KPNA5: variants seen among roughly 807,000 people sequenced by gnomAD.
KPNA5 encodes the protein karyopherin subunit alpha 5.
In KPNA5, 46 loss-of-function variants were observed where a neutral mutation model predicts 71.3. That is an observed-to-expected ratio of 0.65 (90% CI 0.51 to 0.83). The LOEUF (loss-of-function observed/expected upper bound fraction) is 0.83, where lower values mean the gene tolerates loss of function less well. Ranked by LOEUF, KPNA5 falls within the 40% of genes least tolerant of loss-of-function variation. KPNA5 has a pLI of 0.00. For missense variants in KPNA5, 547 were observed against 628.3 expected, an observed-to-expected ratio of 0.87 and a Z score of 1.38; for synonymous variants, 207 against 201.4, an observed-to-expected ratio of 1.03 and a Z score of -0.24.
intron 7 of KPNA5, among the ~76,000 whole-genome samples, chr6:116,705,414 A>G (rs1401810270): frequency 6.6e-6 from 1 of 152,226 alleles, no homozygotes; most frequent in Non-Finnish European, 1.5e-5. Flanking sequence ...TTCTGCAAAA[A>G]CAAGGATATA....
chr6:116,702,513 G>A (rs1189079144), intron 6 of KPNA5, among the ~76,000 whole-genome samples: 1 of 152,076 alleles, frequency 6.6e-6, no homozygotes, highest in East Asian at 1.9e-4. Flanking sequence ...CAAAATCCCA[G>A]CTCTGCTAAA....
rs1183585841 is a variant in KPNA5 at position 116,726,590 on chromosome 6, T to G, written c.1221T>G (p.Asn407Lys). 6.2e-7 allele frequency: 1 copy of G among 1,612,210 alleles called. No homozygotes were observed. Among genetic ancestry groups the G allele is most frequent in the East Asian group, 2.2e-5 (1 of 44,732 alleles). ...AAGAAGCAGCTTGGGCTATAACTAATGCAACATCAGGAGGTACTCCAGAGC... is the reference window on the plus strand; with the variant it reads ...AAGAAGCAGCTTGGGCTATAACTAAGGCAACATCAGGAGGTACTCCAGAGC... The part of the protein sequence containing the change: ...TRKEAAWAIT[N>K]ATSGGTPEQI... Residue 407 changes from asparagine to lysine, a missense_variant, in exon 12 of 14, where the codon AAT becomes AAG. Transcript: ENST00000368564.
chr6:116,686,507 T>C (rs1777594525), intron 1 of KPNA5, among the ~76,000 whole-genome samples: 1 of 152,202 alleles, frequency 6.6e-6, no homozygotes, highest in Non-Finnish European at 1.5e-5. Flanking sequence ...GGTTGTCTTT[T>C]ACTCTGTTGA....
intron 6 of KPNA5, among the ~76,000 whole-genome samples, chr6:116,703,559 G>A (rs9481663): frequency 0.018 from 2,676 of 152,022 alleles, 68 homozygotes; most frequent in African/African-American, 0.061. Flanking sequence ...CACCGCGCCC[G>A]GCCAAAAGAT....
chr6:116,740,905 T>G lies in KPNA5; in HGVS notation c.*8582T>G, dbSNP rs1201686380. ...ATATACCTAATGCTAAATGACGAGT[T>G]AATGGGTGCAGCACACCAACATGGC... On this transcript the variant is annotated 3_prime_UTR_variant, in exon 14 of 14. Transcript: ENST00000368564. 2 of 151,774 alleles carry G rather than the reference T, an allele frequency of 1.3e-5. No homozygotes were observed. The highest frequency in any genetic ancestry group is 6.6e-5 in the Admixed American group (1 of 15,244). 9.4% of individuals were successfully genotyped at this position (151,774 alleles called of 1,614,324 possible).
intron 12 of KPNA5, among the ~76,000 whole-genome samples, chr6:116,728,123 C>T (rs1306444920): frequency 1.3e-5 from 2 of 151,942 alleles, no homozygotes; most frequent in African/African-American, 2.4e-5. Context: ...TATCTCTTTG[C>T]TTTCATCAGT....
chr6:116,722,257 T>G lies in KPNA5; in HGVS notation c.888T>G (p.Ser296=). 1 of 1,611,676 alleles carries G rather than the reference T, an allele frequency of 6.2e-7. No individual in the cohort carries two copies. Among genetic ancestry groups the G allele is most frequent in the Admixed American group, 1.7e-5 (1 of 59,724 alleles). Residue 296 remains serine, a synonymous_variant, in exon 9 of 14, where the codon TCT becomes TCG. Transcript: ENST00000368564. The part of the protein sequence containing the change: ...PNDKIQAVID[S]GVCRRLVELL... The stretch of plus-strand genomic sequence containing the variant: ...ATAAAATTCAAGCAGTCATTGATTC[T>G]GGAGTCTGTCGAAGATTGGTGGAAC...
Position 116,687,533 on chromosome 6 carries a change from A to G in KPNA5, c.5-1787A>G, listed in dbSNP as rs927661572. Among the ~76,000 whole-genome samples the G allele has an allele frequency of 3.3e-5, 5 of 152,318 alleles. No individual in the cohort carries two copies. In the East Asian group the frequency reaches 9.6e-4, roughly 29 times the overall value. ...ATACGAAAAGAGTGATTTTTACTAA[A>G]TATAAATTTAAAAATAAACCTAAAA... On this transcript the variant is annotated intron_variant, in intron 1 of 13. Coordinates refer to ENST00000368564, the MANE Select transcript of KPNA5 (RefSeq NM_001366306.2).
intron 4 of KPNA5, among the ~76,000 whole-genome samples, chr6:116,693,738 T>G (rs567279253): frequency 6.6e-6 from 1 of 152,076 alleles, no homozygotes; most frequent in South Asian, 2.1e-4. Context: ...CTCTTTAGTT[T>G]AATTAGATCC....
chr6:116,698,846 T>G (rs1778125452), intron 5 of KPNA5, 48 bp downstream of exon 5: 1 of 1,118,088 alleles, frequency 8.9e-7, no homozygotes, highest in East Asian at 2.6e-5. Flanking sequence ...AATGACATGT[T>G]AAAGTTTCTA....
intron 8 of KPNA5, among the ~76,000 whole-genome samples, chr6:116,716,558 A>G (rs1468159145): frequency 6.6e-6 from 1 of 152,240 alleles, no homozygotes; most frequent in Non-Finnish European, 1.5e-5. Flanking sequence ...ACATGTATCA[A>G]GGAATTGATT....
chr6:116,710,891 A>G (rs1189568572), intron 7 of KPNA5, among the ~76,000 whole-genome samples: 23 of 70,076 alleles, frequency 3.3e-4, no homozygotes, highest in East Asian at 2.1e-3. Context: ...ATATATATAT[A>G]TATTTTTTTT....
At chr6:116,698,633 T>C (rs1025302651) in intron 4 of KPNA5, 71 bp from the exon 5 acceptor site, 22 of 832,078 alleles carry the variant, frequency 2.6e-5, no homozygotes, top group Non-Finnish European at 3.9e-5. Flanking sequence ...TGTGCCCTGT[T>C]AATGGACACA....
chr6:116,692,357 C>G lies in KPNA5; in HGVS notation c.305C>G (p.Thr102Arg), dbSNP rs1433649888. The change falls in exon 4 of 14, where the codon ACA (threonine) becomes AGA (arginine). Residue 102 changes from threonine (T) to arginine (R), a missense_variant. Transcript: ENST00000368564. ...TCTAATAATGCTGATCAACAGCTAA[C>G]AGCAACACAGAAATTTAGAAAGCTG... ...IFSNNADQQLTATQKFRKLLS... is the reference protein window; with the variant it reads ...IFSNNADQQLRATQKFRKLLS... The G allele has an allele frequency of 2.5e-6, 4 of 1,604,428 alleles. No individual in the cohort carries two copies. The highest frequency in any genetic ancestry group is 2.7e-5 in the African/African-American group (2 of 74,476).
chr6:116,686,478 A>G (rs1217054374), intron 1 of KPNA5, among the ~76,000 whole-genome samples: 1 of 152,128 alleles, frequency 6.6e-6, no homozygotes, highest in African/African-American at 2.4e-5. Context: ...AGTTTGCAAC[A>G]ATTTTCTCCC....
chr6:116,722,984 G>T (rs80323356), intron 9 of KPNA5, among the ~76,000 whole-genome samples: 2,561 of 152,240 alleles, frequency 0.017, 78 homozygotes, highest in African/African-American at 0.058. Context: ...CCAGCATGAG[G>T]ATAGCATCAG....
At chr6:116,717,885 GC>G (rs138946289) in intron 8 of KPNA5, among the ~76,000 whole-genome samples, 8,103 of 151,234 alleles carry the variant, frequency 0.054, 624 homozygotes, top group African/African-American at 0.17. Flanking sequence ...CCAATAGTGT[GC>G]CCCCCCCACC....
At chr6:116,683,830 C>T (rs1777457831) in intron 1 of KPNA5, among the ~76,000 whole-genome samples, 1 of 150,454 alleles carries the variant, frequency 6.6e-6, no homozygotes, top group South Asian at 2.1e-4. Context: ...ATCTCCTGAC[C>T]TTGTGATCCA....
chr6:116,720,444 T>G (rs976608993), intron 8 of KPNA5, among the ~76,000 whole-genome samples: 2 of 152,222 alleles, frequency 1.3e-5, no homozygotes, highest in Non-Finnish European at 2.9e-5. Flanking sequence ...GAAATGTTTT[T>G]ACTTTGCTCA....
Sources: allele counts gnomAD v4.1 joint callset (sites outside exome capture counted in the v4.1 genomes callset), GRCh38; gene constraint gnomAD v4.1.1; transcripts MANE v1.5; gene names NCBI Gene and HGNC (gene_info 2026-07-23, HGNC 2026-07-21).